The following DMXL2 variants were observed in gnomAD, a reference collection of about 807,000 sequenced individuals.
DMXL2 encodes Dmx like 2.
In DMXL2, 103 loss-of-function variants were observed where a neutral mutation model predicts 331.1. The ratio of observed to expected loss-of-function variants is 0.31; its 90% CI spans 0.27 to 0.37. DMXL2 has a LOEUF of 0.37. DMXL2 is among the 10% of genes least tolerant of loss of function. DMXL2 has a pLI of 1.00. For missense variants in DMXL2, 3,171 were observed against 3,642.9 expected, an observed-to-expected ratio of 0.87 and a Z score of 3.33; for synonymous variants, 1,281 against 1,252.1, an observed-to-expected ratio of 1.02 and a Z score of -0.49.
chr15:51,583,106 C>CTTTTTTTTTTTTTCTTTTTTT (rs2051563028), intron 1 of DMXL2, among the ~76,000 whole-genome samples: 1 of 87,178 alleles, frequency 1.1e-5, no homozygotes, highest in Non-Finnish European at 2.5e-5. Context: ...CTTCATTCTT[C>CTTTTTTTTTTTTTCTTTTTTT]TTTTTTTTTT....
chr15:51,622,340 C>T, intron 1 of DMXL2, 119 bp downstream of exon 1: 1 of 1,365,426 alleles, frequency 7.3e-7, no homozygotes, highest in South Asian at 1.3e-5. Flanking sequence ...AAAGGGGCCA[C>T]GGGTGGGGCC....
rs1191747998 is a variant in DMXL2 at position 51,488,097 on chromosome 15, T to A, written c.5074A>T (p.Thr1692Ser). ...TTAAAGTTGTGGCTGAAAAATGTTGTCATTTTTTCATCATGCTGTGACCTG... is the reference window on the plus strand; with the variant it reads ...TTAAAGTTGTGGCTGAAAAATGTTGACATTTTTTCATCATGCTGTGACCTG... ...LFRSQHDEKM[T>S]TFFSHNFNED... Residue 1692 changes from threonine to serine, a missense_variant, in exon 22 of 44, where the codon ACA becomes TCA. This residue lies in a region of DMXL2 where 252 missense variants were observed against 387.4 expected (regional missense o/e 0.65). Transcript: ENST00000560891. 9.9e-6 allele frequency: 16 copies of A among 1,608,386 alleles called. No homozygotes were observed. The highest frequency in any genetic ancestry group is 1.3e-5 in the Non-Finnish European group (15 of 1,177,864).
intron 19 of DMXL2, among the ~76,000 whole-genome samples, chr15:51,492,583 A>C (rs2042889153): frequency 6.6e-6 from 1 of 152,178 alleles, no homozygotes; most frequent in African/African-American, 2.4e-5. Flanking sequence ...TAGACTTTTA[A>C]GTACTAATGG....
chr15:51,500,655 C>T (rs777871341), intron 17 of DMXL2, among the ~76,000 whole-genome samples: 1 of 152,166 alleles, frequency 6.6e-6, no homozygotes, highest in Non-Finnish European at 1.5e-5. Flanking sequence ...TTACAATTTG[C>T]CTTTCAAATG....
chr15:51,597,185 A>G (rs971716743), intron 1 of DMXL2, among the ~76,000 whole-genome samples: 2 of 152,182 alleles, frequency 1.3e-5, no homozygotes, highest in African/African-American at 4.8e-5. Flanking sequence ...ATCCTCCACA[A>G]AGAATAAATT....
intron 13 of DMXL2, among the ~76,000 whole-genome samples, chr15:51,520,335 T>G (rs1252456202): frequency 2.0e-5 from 3 of 152,240 alleles, no homozygotes; most frequent in Non-Finnish European, 4.4e-5. Flanking sequence ...CTGACAGCAT[T>G]GGACAGAGAG....
At chr15:51,603,841 C>T (rs1301020630) in intron 1 of DMXL2, 1 of 151,688 alleles carries the variant, frequency 6.6e-6, no homozygotes, top group Non-Finnish European at 1.5e-5. Flanking sequence ...GCACTCCAGC[C>T]TGGGTGACAC....
intron 1 of DMXL2, among the ~76,000 whole-genome samples, chr15:51,614,899 T>TAGAGTCAG (rs1193368372): frequency 6.6e-6 from 1 of 152,132 alleles, no homozygotes; most frequent in Admixed American, 6.5e-5. Flanking sequence ...GAGGATAGGC[T>TAGAGTCAG]AGAGTCAGAA....
chr15:51,486,791 T>A (rs2042425597), intron 22 of DMXL2, among the ~76,000 whole-genome samples: 1 of 152,192 alleles, frequency 6.6e-6, no homozygotes, highest in Admixed American at 6.5e-5. Context: ...GCCTGTATTC[T>A]AATGCAACTA....
intron 16 of DMXL2, among the ~76,000 whole-genome samples, chr15:51,504,329 A>C (rs2097877805): frequency 6.6e-6 from 1 of 152,218 alleles, no homozygotes; most frequent in Non-Finnish European, 1.5e-5. Context: ...TCAAGTACTC[A>C]AATCAGAGAA....
In DMXL2 at chr15:51,535,696, T is replaced by C; in HGVS notation, c.2403A>G (p.Lys801=). The C allele has an allele frequency of 4.4e-6, 7 of 1,606,958 alleles. No homozygotes were observed. Among genetic ancestry groups the C allele is most frequent in the Non-Finnish European group, 5.9e-6 (7 of 1,176,838 alleles). The part of the protein sequence containing the change: ...RLYQAVVDAR[K]LLDELSDPES... ...CTGGGTCTGACAATTCATCTAATAATTTCCTTGCATCCACTACAGCTTGAT... is the reference window on the plus strand; with the variant it reads ...CTGGGTCTGACAATTCATCTAATAACTTCCTTGCATCCACTACAGCTTGAT... Residue 801 remains lysine, a synonymous_variant, in exon 13 of 44, where the codon AAA becomes AAG. Coordinates refer to ENST00000560891, the MANE Select transcript of DMXL2 (RefSeq NM_001378457.1).
At chr15:51,551,442 G>A (rs2049216150) in intron 6 of DMXL2, among the ~76,000 whole-genome samples, 1 of 152,136 alleles carries the variant, frequency 6.6e-6, no homozygotes, top group Non-Finnish European at 1.5e-5. Context: ...TAGGCATCCT[G>A]TAGTTTGTAT....
At position 51,510,641 on chromosome 15, in the gene DMXL2, C is replaced by T. The variant is rs554457549; in HGVS notation, c.2645-3388G>A. ...CCCAAAGTAATTTATAGATTCAATG[C>T]TATCCCCATCAAGCTACCATTGACT... On this transcript the variant is annotated intron_variant, in intron 15 of 43. Transcript: ENST00000560891. 3.9e-5 allele frequency among the ~76,000 whole-genome samples: 6 copies of T among 152,232 alleles called. No individual in the cohort carries two copies. The South Asian group carries it at 1.0e-3, about 26-fold the overall frequency.
At chr15:51,457,091 G>C (rs893871849) in intron 37 of DMXL2, among the ~76,000 whole-genome samples, 2 of 152,162 alleles carry the variant, frequency 1.3e-5, no homozygotes, top group African/African-American at 4.8e-5. Context: ...AGGATCAATT[G>C]AGCCCAGGAG....
chr15:51,602,363 G>A (rs140324906), intron 1 of DMXL2, among the ~76,000 whole-genome samples: 2 of 152,040 alleles, frequency 1.3e-5, no homozygotes, highest in African/African-American at 4.8e-5. Flanking sequence ...TGATATCACA[G>A]CCCCCAAATA....
chr15:51,518,938 G>T (rs1279409601), intron 13 of DMXL2, among the ~76,000 whole-genome samples: 3 of 151,996 alleles, frequency 2.0e-5, no homozygotes, highest in Non-Finnish European at 4.4e-5. Context: ...TTCGCCCAGG[G>T]TGCAAAATTT....
chr15:51,519,536 CTAAT>C (rs2047223108), intron 13 of DMXL2, among the ~76,000 whole-genome samples: 1 of 151,226 alleles, frequency 6.6e-6, no homozygotes, highest in South Asian at 2.1e-4. Context: ...AGAAATTGGA[CTAAT>C]TATAGTTTTA....
intron 9 of DMXL2, among the ~76,000 whole-genome samples, chr15:51,539,567 T>C (rs1033204138): frequency 6.6e-6 from 1 of 152,012 alleles, no homozygotes; most frequent in African/African-American, 2.4e-5. Context: ...CTAGCACTTC[T>C]GAAGGCCAAG....
At position 51,508,266 on chromosome 15, in the gene DMXL2, T is replaced by C. The variant is rs534086005; in HGVS notation, c.2645-1013A>G. Among the ~76,000 whole-genome samples, 4 of 152,288 alleles carry C rather than the reference T, an allele frequency of 2.6e-5. No homozygotes were observed. The East Asian group carries it at 5.8e-4, about 22-fold the overall frequency. On this transcript the variant is annotated intron_variant, in intron 15 of 43. Coordinates refer to ENST00000560891, the MANE Select transcript of DMXL2 (RefSeq NM_001378457.1). ...GGGTGCAGCAAACCACCATGGCACG[T>C]GTAAACCTATGTAACAAACCTGCAT... is the stretch of plus-strand genomic sequence containing the variant.
Sources: allele counts gnomAD v4.1 joint callset (sites outside exome capture counted in the v4.1 genomes callset), GRCh38; gene constraint gnomAD v4.1.1; regional missense constraint gnomAD v4.1.1; transcripts MANE v1.5; gene names NCBI Gene and HGNC (gene_info 2026-07-23, HGNC 2026-07-21).